SLC35D4: variants seen among roughly 807,000 people sequenced by gnomAD.
SLC35D4 encodes UDP-N-acetylglucosamine transporter SLC35D4.
chr18:23,414,280 A>G, the SLC35D4 span, among the ~76,000 whole-genome samples: 1 of 148,542 alleles, frequency 6.7e-6, no homozygotes, highest in African/African-American at 2.5e-5. Context: ...AAAAAAAGAA[A>G]AAGAAAAAGG....
At chr18:23,385,142 T>C in the SLC35D4 span, 2 of 1,452,904 alleles carry the variant, frequency 1.4e-6, no homozygotes, top group Non-Finnish European at 1.9e-6. Flanking sequence ...GATTTTTTGC[T>C]TAAAAATAAA....
At chr18:23,387,501 C>T in the SLC35D4 span, among the ~76,000 whole-genome samples, 1 of 152,192 alleles carries the variant, frequency 6.6e-6, no homozygotes, top group African/African-American at 2.4e-5. Context: ...CCGCCCTCAG[C>T]AGCCTCTGCA....
At chr18:23,298,189 C>A in the SLC35D4 span, 1 of 1,102,056 alleles carries the variant, frequency 9.1e-7, no homozygotes, top group South Asian at 1.3e-5. Flanking sequence ...ATCACCAGCC[C>A]GAACTGCCAT....
chr18:23,389,331 A>T, the SLC35D4 span, among the ~76,000 whole-genome samples: 1 of 152,114 alleles, frequency 6.6e-6, no homozygotes, highest in Admixed American at 6.5e-5. Context: ...GGACTAATAC[A>T]GCTGGTAAGA....
At chr18:23,377,634 C>T in the SLC35D4 span, 1 of 1,574,290 alleles carries the variant, frequency 6.4e-7, no homozygotes, top group Non-Finnish European at 8.6e-7. Flanking sequence ...GGGGGGAGGG[C>T]AGTAAACTTA....
the SLC35D4 span, among the ~76,000 whole-genome samples, chr18:23,275,123 TGTGCTTGTGTGA>T: frequency 5.9e-5 from 9 of 151,816 alleles, no homozygotes; most frequent in Non-Finnish European, 1.0e-4. Flanking sequence ...TGCATGTGTG[TGTGCTTGTGTGA>T]GTGCTTGTGC....
chr18:23,289,126 G>T, the SLC35D4 span, among the ~76,000 whole-genome samples: 2 of 152,106 alleles, frequency 1.3e-5, no homozygotes, highest in Non-Finnish European at 2.9e-5. Flanking sequence ...CCTATTCACT[G>T]TTCTCAACTA....
chr18:23,407,577 TCACACA>T, the SLC35D4 span, among the ~76,000 whole-genome samples: 1 of 150,952 alleles, frequency 6.6e-6, no homozygotes, highest in South Asian at 2.1e-4. Flanking sequence ...TCTCTTTATC[TCACACA>T]CACACACACA....
At chr18:23,340,802 G>T in the SLC35D4 span, among the ~76,000 whole-genome samples, 1 of 152,140 alleles carries the variant, frequency 6.6e-6, no homozygotes, top group African/African-American at 2.4e-5. Context: ...GGCCCCACAA[G>T]CATTGCCGCT....
chr18:23,373,826 C>G, the SLC35D4 span: 1 of 1,568,592 alleles, frequency 6.4e-7, no homozygotes, highest in Non-Finnish European at 8.7e-7. Flanking sequence ...TCCCTAAGAG[C>G]GTGGAGGTGA....
At chr18:23,350,459 G>C in the SLC35D4 span, among the ~76,000 whole-genome samples, 1 of 152,128 alleles carries the variant, frequency 6.6e-6, no homozygotes, top group African/African-American at 2.4e-5. Flanking sequence ...CTTTCTGCTA[G>C]CTCTTTCACA....
chr18:23,306,268 A>G, the SLC35D4 span, among the ~76,000 whole-genome samples: 1 of 151,222 alleles, frequency 6.6e-6, no homozygotes, highest in Non-Finnish European at 1.5e-5. Flanking sequence ...TATTAGGACT[A>G]CTCTGATTGC....
chr18:23,321,775 A>G, the SLC35D4 span, among the ~76,000 whole-genome samples: 1 of 152,166 alleles, frequency 6.6e-6, no homozygotes, highest in Non-Finnish European at 1.5e-5. Context: ...TTTGTTCTGA[A>G]CAACTTCCCA....
chr18:23,345,209 C>A, the SLC35D4 span, among the ~76,000 whole-genome samples: 9 of 151,924 alleles, frequency 5.9e-5, no homozygotes, highest in Non-Finnish European at 1.0e-4. Flanking sequence ...CCTGGCCAGG[C>A]GCAGTGGCTC....
chr18:23,267,732 T>TC, the SLC35D4 span, among the ~76,000 whole-genome samples: 1 of 151,892 alleles, frequency 6.6e-6, no homozygotes, highest in African/African-American at 2.4e-5. Context: ...TCCTTAGCGC[T>TC]CCCTTAGGTC....
the SLC35D4 span, chr18:23,309,532 G>T: frequency 5.0e-6 from 3 of 596,336 alleles, no homozygotes; most frequent in African/African-American, 1.9e-5. Flanking sequence ...TTTTTTTAAA[G>T]AAAGCTTCGC....
the SLC35D4 span, among the ~76,000 whole-genome samples, chr18:23,436,795 A>C: frequency 6.6e-6 from 1 of 152,190 alleles, no homozygotes; most frequent in African/African-American, 2.4e-5. Context: ...TCTATCTCAA[A>C]AAAATAAAAA....
At chr18:23,319,469 G>C in the SLC35D4 span, among the ~76,000 whole-genome samples, 1 of 151,562 alleles carries the variant, frequency 6.6e-6, no homozygotes, top group Admixed American at 6.6e-5. Context: ...TTGAGATGGA[G>C]TTTCGCTCTC....
chr18:23,374,019 T>G, the SLC35D4 span, among the ~76,000 whole-genome samples: 1 of 152,200 alleles, frequency 6.6e-6, no homozygotes, highest in Admixed American at 6.5e-5. Flanking sequence ...ACAGGACATC[T>G]GCAAAACCAC....
Sources: gnomAD v4.1 joint callset for allele counts (sites outside exome capture counted in the v4.1 genomes callset) on GRCh38, gnomAD v4.1.1 for gene constraint, MANE v1.5 for transcripts, NCBI Gene and HGNC (gene_info 2026-07-23, HGNC 2026-07-21) for gene names.